Variants in ADAMTS16 observed in about 807,000 individuals in gnomAD.
ADAMTS16 encodes ADAM metallopeptidase with thrombospondin type 1 motif 16, also known as A disintegrin and metalloproteinase with thrombospondin motifs 16.
A neutral mutation model predicts 145.8 loss-of-function variants in ADAMTS16; 94 were observed. That is an observed-to-expected ratio of 0.64 (90% confidence interval 0.55 to 0.77). The LOEUF (loss-of-function observed/expected upper bound fraction) is 0.77. ADAMTS16 is among the 30% of genes least tolerant of loss of function. The pLI is 0.00. For synonymous variants in ADAMTS16, 659 were observed against 604.3 expected (o/e 1.09, Z -1.33); for missense variants, 1,585 against 1,591.5 (o/e 1.00, Z 0.07).
chr5:5,175,233 C>T (rs1234105329), intron 3 of ADAMTS16, among the ~76,000 whole-genome samples: 2 of 152,178 alleles, frequency 1.3e-5, no homozygotes, highest in Non-Finnish European at 2.9e-5. Context: ...TGAATCCTGA[C>T]AGGACTGGGT....
At chr5:5,233,226 A>G (rs894041917) in intron 12 of ADAMTS16, among the ~76,000 whole-genome samples, 2 of 152,222 alleles carry the variant, frequency 1.3e-5, no homozygotes, top group Non-Finnish European at 2.9e-5. Flanking sequence ...TCCATCAAAT[A>G]TATTTACCTT....
chr5:5,176,708 A>C (rs1268687902), intron 3 of ADAMTS16, among the ~76,000 whole-genome samples: 1 of 152,212 alleles, frequency 6.6e-6, no homozygotes, highest in Non-Finnish European at 1.5e-5. Context: ...AACCAAGGAT[A>C]ATCATAGCGC....
At chr5:5,285,686 G>A (rs1030724266) in intron 18 of ADAMTS16, among the ~76,000 whole-genome samples, 3 of 152,102 alleles carry the variant, frequency 2.0e-5, no homozygotes, top group Non-Finnish European at 4.4e-5. Context: ...TAATCAGCAG[G>A]GATCATCTGA....
At chr5:5,147,745 A>G (rs1734342005) in intron 3 of ADAMTS16, among the ~76,000 whole-genome samples, 1 of 152,232 alleles carries the variant, frequency 6.6e-6, no homozygotes. Flanking sequence ...CAAAATGAAG[A>G]TACATCTTCC....
chr5:5,192,102 C>T (rs560829042), intron 8 of ADAMTS16, among the ~76,000 whole-genome samples: 1 of 152,256 alleles, frequency 6.6e-6, no homozygotes, highest in South Asian at 2.1e-4. Context: ...TCTTACCTCA[C>T]CCTCCCAAAT....
At chr5:5,265,985 AGTGTGTGTGTGTGTGT>A (rs71604122) in intron 18 of ADAMTS16, among the ~76,000 whole-genome samples, 256 of 141,472 alleles carry the variant, frequency 1.8e-3, no homozygotes, top group Non-Finnish European at 3.0e-3. Context: ...GACTTAAAGA[AGTGTGTGTGTGTGTGT>A]GTGTGTGTGT....
intron 8 of ADAMTS16, among the ~76,000 whole-genome samples, chr5:5,198,806 T>C (rs187312924): frequency 6.6e-6 from 1 of 152,314 alleles, no homozygotes; most frequent in African/African-American, 2.4e-5. Context: ...TGGAGCTGAC[T>C]TTCCCCTACA....
At chr5:5,185,934 T>G in intron 4 of ADAMTS16, 118 bp from the exon 5 acceptor site, 2 of 801,956 alleles carry the variant, frequency 2.5e-6, no homozygotes, top group Non-Finnish European at 4.1e-6. Context: ...TTTTAAAGGT[T>G]TATGTGGTTT....
chr5:5,295,017 G>T (rs1001239081), intron 18 of ADAMTS16, among the ~76,000 whole-genome samples: 1 of 152,138 alleles, frequency 6.6e-6, no homozygotes, highest in Non-Finnish European at 1.5e-5. Flanking sequence ...TAAAAAAAAT[G>T]CACACACATA....
chr5:5,205,017 T>A (rs1021201942), intron 9 of ADAMTS16, among the ~76,000 whole-genome samples: 2 of 152,224 alleles, frequency 1.3e-5, no homozygotes, highest in African/African-American at 2.4e-5. Flanking sequence ...TTTATATGTT[T>A]AATGGCCACT....
intron 18 of ADAMTS16, among the ~76,000 whole-genome samples, chr5:5,273,004 T>C (rs1738541170): frequency 6.6e-6 from 1 of 152,096 alleles, no homozygotes; most frequent in South Asian, 2.1e-4. Context: ...GAGGGGCCCT[T>C]CCAGAGTCAT....
intron 5 of ADAMTS16, among the ~76,000 whole-genome samples, chr5:5,187,088 C>T (rs1396322005): frequency 1.3e-5 from 2 of 152,174 alleles, no homozygotes; most frequent in Non-Finnish European, 2.9e-5. Flanking sequence ...GCAAGCACGG[C>T]CCTGTTGTCC....
At position 5,250,472 on chromosome 5, in the gene ADAMTS16, A is replaced by T. The variant is rs137966696; in HGVS notation, c.2662+8281A>T. Among the ~76,000 whole-genome samples the T allele has an allele frequency of 6.0e-3, 912 of 152,276 alleles. 5 individuals are homozygous for T. The highest frequency in any genetic ancestry group is 9.0e-3 in the Admixed American group (138 of 15,298). ...TGTGTTTCCCAATAGTGCTGGATTA[A>T]CCATGAAAAATGGTTTCTTAAAGCA... On this transcript the variant is annotated intron_variant, in intron 17 of 22. Coordinates refer to ENST00000274181, the MANE Select transcript of ADAMTS16 (RefSeq NM_139056.4).
chr5:5,176,796 T>C (rs908883590), intron 3 of ADAMTS16, among the ~76,000 whole-genome samples: 2 of 152,204 alleles, frequency 1.3e-5, no homozygotes, highest in African/African-American at 4.8e-5. Context: ...CAAAGCCTGA[T>C]TGGCTGATGA....
In ADAMTS16 at chr5:5,186,267, C is replaced by T; in HGVS notation, c.963+16C>T. On this transcript the variant is annotated intron_variant, in intron 5 of 22. Transcript: ENST00000274181. ...ACTCAACATGGTAGGATCATCCTTC[C>T]AGTTGAGGCCACCTGTGTCATTGCA... 1 of 1,609,740 alleles carries T rather than the reference C, an allele frequency of 6.2e-7. No individual in the cohort carries two copies.
intron 8 of ADAMTS16, among the ~76,000 whole-genome samples, chr5:5,197,094 G>A (rs866056921): frequency 3.3e-4 from 51 of 152,252 alleles, no homozygotes; most frequent in African/African-American, 9.9e-4. Flanking sequence ...ACCTGTGGTC[G>A]CCATCATTAT....
chr5:5,147,744 G>C (rs1326420901), intron 3 of ADAMTS16, among the ~76,000 whole-genome samples: 1 of 152,218 alleles, frequency 6.6e-6, no homozygotes, highest in Non-Finnish European at 1.5e-5. Flanking sequence ...ACAAAATGAA[G>C]ATACATCTTC....
At chr5:5,239,951 G>A in intron 16 of ADAMTS16, 26 bp downstream of exon 16, 2 of 1,610,372 alleles carry the variant, frequency 1.2e-6, no homozygotes, top group South Asian at 1.1e-5. Flanking sequence ...TTGATTTTGG[G>A]GCTTGGATTT....
chr5:5,277,851 A>C (rs1048684399), intron 18 of ADAMTS16, among the ~76,000 whole-genome samples: 1 of 152,096 alleles, frequency 6.6e-6, no homozygotes, highest in Non-Finnish European at 1.5e-5. Flanking sequence ...GTGTGATAGC[A>C]TGCACCTATA....
Sources: gnomAD v4.1 joint callset for allele counts (sites outside exome capture counted in the v4.1 genomes callset) on GRCh38, gnomAD v4.1.1 for gene constraint, MANE v1.5 for transcripts, NCBI Gene and HGNC (gene_info 2026-07-23, HGNC 2026-07-21) for gene names.